The following UNC5C variants were observed in gnomAD, a reference collection of about 807,000 sequenced individuals.
UNC5C encodes unc-5 netrin receptor C.
Under a neutral mutation model 99.8 loss-of-function variants are expected in UNC5C, and 47 were observed. The observed-to-expected ratio is 0.47, with a 90% confidence interval of 0.37 to 0.60. UNC5C has a LOEUF of 0.60. Ranked by LOEUF, UNC5C falls within the 20% of genes least tolerant of loss-of-function variation. The pLI is 0.00. For synonymous variants in UNC5C, 487 were observed against 452.2 expected, an observed-to-expected ratio of 1.08 and a Z score of -0.98; for missense variants, 1,062 against 1,165.9, an observed-to-expected ratio of 0.91 and a Z score of 1.30.
At chr4:95,246,611 T>A (rs1488173372) in intron 5 of UNC5C, among the ~76,000 whole-genome samples, 2 of 151,840 alleles carry the variant, frequency 1.3e-5, no homozygotes, top group Non-Finnish European at 2.9e-5. Flanking sequence ...ATAAAAGTAA[T>A]GTTTATGGAT....
rs1181291611 is a variant in UNC5C at position 95,371,804 on chromosome 4, C to CA, written c.125-36174dup. Reference sequence around the variant, plus strand: ...CTGGAAATCAAATGGGTATTTAACTCAAATTTTCACCCAATAAAACATCTG... The same window carrying CA: ...CTGGAAATCAAATGGGTATTTAACTCAAAATTTTCACCCAATAAAACATCTG... On this transcript the variant is annotated intron_variant, in intron 1 of 15. Coordinates refer to ENST00000453304, the MANE Select transcript of UNC5C (RefSeq NM_003728.4). 2.6e-5 allele frequency among the ~76,000 whole-genome samples: 4 copies of CA among 152,114 alleles called. No homozygotes were observed. In the East Asian group the frequency reaches 7.7e-4, roughly 29 times the overall value.
Position 95,506,051 on chromosome 4 carries a change from C to T in UNC5C, c.124+42683G>A, listed in dbSNP as rs112284664. ...TGGAAAAAAGAAAAGGATGAGAAAACATGTTTTTTAAAATTTACATCATCC... is the reference window on the plus strand; with the variant it reads ...TGGAAAAAAGAAAAGGATGAGAAAATATGTTTTTTAAAATTTACATCATCC... On this transcript the variant is annotated intron_variant, in intron 1 of 15. Coordinates refer to ENST00000453304, the MANE Select transcript of UNC5C (RefSeq NM_003728.4). Among the ~76,000 whole-genome samples the T allele has an allele frequency of 4.1e-3, 624 of 152,002 alleles. 2 individuals are homozygous for T. Among genetic ancestry groups the T allele is most frequent in the African/African-American group, 0.014 (591 of 41,508 alleles).
At chr4:95,489,217 C>T (rs149508060) in intron 1 of UNC5C, among the ~76,000 whole-genome samples, 260 of 151,362 alleles carry the variant, frequency 1.7e-3, no homozygotes, top group African/African-American at 6.0e-3. Context: ...TAGGGTGACA[C>T]AAAACAAATG....
chr4:95,523,923 A>G (rs1354209606), intron 1 of UNC5C, among the ~76,000 whole-genome samples: 1 of 152,206 alleles, frequency 6.6e-6, no homozygotes, highest in Non-Finnish European at 1.5e-5. Context: ...AAGAAAAATA[A>G]GAAGAAATAG....
intron 4 of UNC5C, among the ~76,000 whole-genome samples, chr4:95,259,601 T>C (rs1389191460): frequency 7.2e-5 from 11 of 152,136 alleles, no homozygotes; most frequent in Admixed American, 7.2e-4. Context: ...CTTTAAACTC[T>C]ATGAGTTTAT....
intron 1 of UNC5C, among the ~76,000 whole-genome samples, chr4:95,486,352 C>A (rs370764961): frequency 6.6e-6 from 1 of 151,552 alleles, no homozygotes; most frequent in African/African-American, 2.4e-5. Flanking sequence ...TAAATATAGG[C>A]CTTCACCATC....
At chr4:95,354,071 A>G (rs1248119272) in intron 1 of UNC5C, among the ~76,000 whole-genome samples, 1 of 152,122 alleles carries the variant, frequency 6.6e-6, no homozygotes, top group Non-Finnish European at 1.5e-5. Flanking sequence ...TCCAACATAA[A>G]AACAACGAAG....
chr4:95,353,120 T>G lies in UNC5C; in HGVS notation c.125-17489A>C, dbSNP rs188243754. On this transcript the variant is annotated intron_variant, in intron 1 of 15. Coordinates refer to ENST00000453304, the MANE Select transcript of UNC5C (RefSeq NM_003728.4). ...TGCCTTATTCCTTAATGACTTTGAG[T>G]TCATTCAAAAATCTATTAATGATCT... Among the ~76,000 whole-genome samples, 831 of 152,292 alleles carry G rather than the reference T, an allele frequency of 5.5e-3. 6 individuals carry two copies. The highest frequency in any genetic ancestry group is 0.019 in the African/African-American group (785 of 41,552).
At chr4:95,216,666 A>G (rs999993890) in intron 9 of UNC5C, among the ~76,000 whole-genome samples, 2 of 152,232 alleles carry the variant, frequency 1.3e-5, no homozygotes, top group African/African-American at 4.8e-5. Context: ...ACAATGGTAT[A>G]AGAATTGGTG....
intron 1 of UNC5C, among the ~76,000 whole-genome samples, chr4:95,514,681 A>G (rs764643482): frequency 3.3e-5 from 5 of 149,676 alleles, no homozygotes; most frequent in African/African-American, 1.2e-4. Flanking sequence ...ATATATATAT[A>G]TTTTTCCTTG....
At chr4:95,469,664 T>C (rs1429007021) in intron 1 of UNC5C, among the ~76,000 whole-genome samples, 2 of 152,166 alleles carry the variant, frequency 1.3e-5, no homozygotes, top group Non-Finnish European at 2.9e-5. Context: ...CTATGGTATA[T>C]ATCATGCAAG....
intron 1 of UNC5C, among the ~76,000 whole-genome samples, chr4:95,371,486 A>C (rs1165661728): frequency 6.6e-6 from 1 of 151,930 alleles, no homozygotes; most frequent in African/African-American, 2.4e-5. Flanking sequence ...ACTGATAGGA[A>C]GATGCAGCAT....
intron 10 of UNC5C, among the ~76,000 whole-genome samples, chr4:95,215,390 T>C (rs1437086830): frequency 1.3e-5 from 2 of 152,334 alleles, no homozygotes; most frequent in Non-Finnish European, 2.9e-5. Flanking sequence ...TAAAGCACTA[T>C]TTAACACACG....
chr4:95,342,346 G>A (rs1743610818), intron 1 of UNC5C, among the ~76,000 whole-genome samples: 1 of 151,946 alleles, frequency 6.6e-6, no homozygotes, highest in Non-Finnish European at 1.5e-5. Flanking sequence ...TAGGGTACTG[G>A]GCAGTCCTGA....
intron 7 of UNC5C, among the ~76,000 whole-genome samples, chr4:95,220,393 A>G (rs1738428236): frequency 6.6e-6 from 1 of 152,066 alleles, no homozygotes; most frequent in Admixed American, 6.6e-5. Flanking sequence ...CCACTAATCT[A>G]TCTTATAATT....
chr4:95,480,426 G>C (rs1229241518), intron 1 of UNC5C, among the ~76,000 whole-genome samples: 1 of 151,820 alleles, frequency 6.6e-6, no homozygotes, highest in Non-Finnish European at 1.5e-5. Context: ...CCTCAGAAAT[G>C]AGCAATAAAT....
intron 1 of UNC5C, among the ~76,000 whole-genome samples, chr4:95,506,486 C>T (rs1034849399): frequency 2.6e-4 from 39 of 151,912 alleles, no homozygotes; most frequent in African/African-American, 9.4e-4. Flanking sequence ...AGTAATTTAT[C>T]CTGTCACTCA....
intron 7 of UNC5C, among the ~76,000 whole-genome samples, chr4:95,223,185 GAAAAACCTATGGA>G (rs551484730): frequency 3.6e-4 from 55 of 152,210 alleles, no homozygotes; most frequent in East Asian, 2.5e-3. Context: ...TTTTTGAAAT[GAAAAACCTATGGA>G]AAGTTTTAAA....
chr4:95,253,348 T>C (rs1214489676), intron 4 of UNC5C, among the ~76,000 whole-genome samples: 2 of 152,180 alleles, frequency 1.3e-5, no homozygotes, highest in Middle Eastern at 3.2e-3. Context: ...GAAGAGTTTA[T>C]TACATGGAAG....
Sources: gnomAD v4.1 joint callset for allele counts (sites outside exome capture counted in the v4.1 genomes callset) on GRCh38, gnomAD v4.1.1 for gene constraint, MANE v1.5 for transcripts, NCBI Gene and HGNC (gene_info 2026-07-23, HGNC 2026-07-21) for gene names.